TXNRD1: variants seen among roughly 807,000 people sequenced by gnomAD.
The protein encoded by TXNRD1 is thioredoxin reductase 1, cytoplasmic.
TXNRD1 carries 57 observed loss-of-function variants against 80.3 expected under a neutral mutation model. The observed-to-expected ratio is 0.71, with a 90% CI of 0.57 to 0.89. The LOEUF (loss-of-function observed/expected upper bound fraction) is 0.89. Among genes scored for constraint, TXNRD1 ranks in the 40% least tolerant of loss-of-function variants. The pLI is 0.00. For missense variants in TXNRD1, 730 were observed against 803.0 expected (o/e 0.91, Z 1.10); for synonymous variants, 291 against 285.2 (o/e 1.02, Z -0.20).
chr12:104,345,567 G>C (rs759442898), intron 16 of TXNRD1, among the ~76,000 whole-genome samples: 3 of 152,206 alleles, frequency 2.0e-5, no homozygotes, highest in Non-Finnish European at 4.4e-5. Context: ...GCCGTATTCA[G>C]TGTGAGATGG....
intron 3 of TXNRD1, among the ~76,000 whole-genome samples, chr12:104,259,988 A>G (rs1463226167): frequency 6.6e-6 from 1 of 152,204 alleles, no homozygotes; most frequent in African/African-American, 2.4e-5. Context: ...CAAGGGAGAT[A>G]TTCTCTATAT....
At chr12:104,346,381 T>C (rs1024607778) in intron 16 of TXNRD1, among the ~76,000 whole-genome samples, 13 of 152,152 alleles carry the variant, frequency 8.5e-5, no homozygotes, top group African/African-American at 2.2e-4. Flanking sequence ...AAGAACAACA[T>C]CAATATGAGA....
At chr12:104,241,214 A>G (rs2032855089) in intron 1 of TXNRD1, among the ~76,000 whole-genome samples, 1 of 139,258 alleles carries the variant, frequency 7.2e-6, no homozygotes, top group African/African-American at 2.7e-5. Context: ...TAATTTTTGT[A>G]TTTTTCAGTA....
Position 104,291,110 on chromosome 12 carries a change from G to A in TXNRD1, c.414+2070G>A, listed in dbSNP as rs959490707. On this transcript the variant is annotated intron_variant, in intron 4 of 16. Coordinates refer to ENST00000525566, the MANE Select transcript of TXNRD1 (RefSeq NM_001093771.3). ...AGGTCACGACATTTAGTGAGGTATAGTGCCATGAATGAAAAGCATACCATC... is the reference window on the plus strand; with the variant it reads ...AGGTCACGACATTTAGTGAGGTATAATGCCATGAATGAAAAGCATACCATC... 50 of 628,334 alleles carry A rather than the reference G, an allele frequency of 8.0e-5. No homozygotes were observed. The Admixed American group carries it at 1.4e-3, about 17-fold the overall frequency. The allele number at this position is 628,334 out of a possible 1,614,324, so 38.9% of individuals were successfully genotyped here.
chr12:104,325,405 A>G lies in TXNRD1; in HGVS notation c.1284A>G (p.Glu428=). 1.2e-6 allele frequency: 2 copies of G among 1,612,950 alleles called. No individual in the cohort carries two copies. The highest frequency in any genetic ancestry group is 8.5e-7 in the Non-Finnish European group (1 of 1,179,334). ...TAGCTCAGTCCACCAATAGTGAGGA[A>G]ATCATTGAAGGAGAATATAATACGG... The part of the protein sequence containing the change: ...RVVAQSTNSE[E]IIEGEYNTVM... The change falls in exon 11 of 17, where the codon GAA becomes GAG. Residue 428 remains glutamate, a synonymous_variant. Coordinates refer to ENST00000525566, the MANE Select transcript of TXNRD1 (RefSeq NM_001093771.3).
chr12:104,226,541 G>T (rs1305145649), intron 1 of TXNRD1, among the ~76,000 whole-genome samples: 1 of 152,150 alleles, frequency 6.6e-6, no homozygotes, highest in Admixed American at 6.6e-5. Context: ...TTAGATTATG[G>T]CTCCACAAGT....
At chr12:104,314,795 G>T (rs2035265063) in intron 6 of TXNRD1, among the ~76,000 whole-genome samples, 1 of 140,566 alleles carries the variant, frequency 7.1e-6, no homozygotes, top group Non-Finnish European at 1.5e-5. Context: ...GGGCTGGAGT[G>T]CAGTGGCGCT....
At chr12:104,294,390 C>T (rs1372283950) in intron 4 of TXNRD1, among the ~76,000 whole-genome samples, 2 of 151,988 alleles carry the variant, frequency 1.3e-5, no homozygotes, top group African/African-American at 4.8e-5. Context: ...TGGCCCTGTT[C>T]GGGCATAACA....
intron 14 of TXNRD1, among the ~76,000 whole-genome samples, chr12:104,333,276 AT>A (rs1287820847): frequency 1.3e-5 from 2 of 152,050 alleles, no homozygotes; most frequent in Admixed American, 6.5e-5. Flanking sequence ...AAAATTTGAA[AT>A]TTTTAATATA....
intron 15 of TXNRD1, 79 bp from the exon 16 acceptor site, chr12:104,339,060 A>G: frequency 1.3e-6 from 2 of 1,555,642 alleles, no homozygotes; most frequent in Non-Finnish European, 1.7e-6. Flanking sequence ...AACAGACTGG[A>G]GAAATGCTCT....
chr12:104,307,779 T>A (rs938402036), intron 4 of TXNRD1, among the ~76,000 whole-genome samples: 8 of 152,130 alleles, frequency 5.3e-5, no homozygotes, highest in African/African-American at 1.9e-4. Context: ...CCTGGAGCAG[T>A]GTTTTACTAG....
intron 14 of TXNRD1, 27 bp from the exon 15 acceptor site, chr12:104,334,210 C>A: frequency 7.5e-7 from 1 of 1,324,888 alleles, no homozygotes; most frequent in South Asian, 1.5e-5. Context: ...AATAATGGGT[C>A]TAAATTTTGC....
At chr12:104,342,304 G>A (rs1444115889) in intron 16 of TXNRD1, among the ~76,000 whole-genome samples, 2 of 152,102 alleles carry the variant, frequency 1.3e-5, no homozygotes, top group Admixed American at 1.3e-4. Context: ...CACATCATTA[G>A]CATAAGCTCA....
chr12:104,302,384 CT>C (rs74263333), intron 4 of TXNRD1, among the ~76,000 whole-genome samples: 102 of 122,264 alleles, frequency 8.3e-4, no homozygotes, highest in Non-Finnish European at 7.1e-4. Context: ...TTGTGGGTGT[CT>C]TTTTTTTTTT....
Position 104,348,467 on chromosome 12 carries a change from T to G in TXNRD1, c.*46T>G. On this transcript the variant is annotated 3_prime_UTR_variant, in exon 17 of 17. Transcript: ENST00000525566. ...GCCAAGACTGCAAACCACTGGCTCG[T>G]TTCCGTGCCCAAATCCAAGGCGAAG... The G allele has an allele frequency of 6.3e-7, 1 of 1,595,388 alleles. No individual in the cohort carries two copies. The highest frequency in any genetic ancestry group is 8.6e-7 in the Non-Finnish European group (1 of 1,163,602).
At chr12:104,243,974 T>C (rs1182496571) in intron 1 of TXNRD1, among the ~76,000 whole-genome samples, 1 of 152,200 alleles carries the variant, frequency 6.6e-6, no homozygotes, top group African/African-American at 2.4e-5. Flanking sequence ...ACAGTGGCTT[T>C]ATTACCTGTG....
intron 3 of TXNRD1, among the ~76,000 whole-genome samples, chr12:104,263,451 TGTG>T (rs928745755): frequency 3.0e-4 from 45 of 152,300 alleles, no homozygotes; most frequent in African/African-American, 1.1e-3. Flanking sequence ...TGCACACACA[TGTG>T]GTGGTGTGTT....
At chr12:104,316,139 A>G (rs2035317506) in intron 7 of TXNRD1, among the ~76,000 whole-genome samples, 1 of 152,174 alleles carries the variant, frequency 6.6e-6, no homozygotes, top group South Asian at 2.1e-4. Context: ...GTTCTTTTGA[A>G]TATATTGTCA....
intron 4 of TXNRD1, among the ~76,000 whole-genome samples, chr12:104,306,313 G>A (rs2034913527): frequency 6.6e-6 from 1 of 152,028 alleles, no homozygotes; most frequent in African/African-American, 2.4e-5. Context: ...TTTTCTTTCC[G>A]TTGCATAAAT....
Sources: gnomAD v4.1 joint callset for allele counts (sites outside exome capture counted in the v4.1 genomes callset) on GRCh38, gnomAD v4.1.1 for gene constraint, MANE v1.5 for transcripts, NCBI Gene and HGNC (gene_info 2026-07-23, HGNC 2026-07-21) for gene names.